ASH1L: variants seen among roughly 807,000 people sequenced by gnomAD.
ASH1L encodes ASH1 like histone lysine methyltransferase.
A neutral mutation model predicts 269.0 loss-of-function variants in ASH1L; 23 were observed. The ratio of observed to expected loss-of-function variants is 0.09; its 90% CI spans 0.06 to 0.12. The LOEUF is 0.12. Among genes scored for constraint, ASH1L ranks in the 10% least tolerant of loss-of-function variants. ASH1L has a pLI of 1.00. For missense variants in ASH1L, 2,912 were observed against 3,567.8 expected (o/e 0.82, Z 4.68); for synonymous variants, 1,187 against 1,253.5 (o/e 0.95, Z 1.12).
intron 5 of ASH1L, among the ~76,000 whole-genome samples, chr1:155,437,663 G>A (rs973078242): frequency 3.9e-5 from 6 of 152,184 alleles, no homozygotes; most frequent in Non-Finnish European, 7.3e-5. Context: ...CTGTCATAGC[G>A]GCGTTACGGC....
intron 7 of ASH1L, among the ~76,000 whole-genome samples, chr1:155,382,361 G>A (rs1223412666): frequency 6.6e-6 from 1 of 152,080 alleles, no homozygotes; most frequent in Non-Finnish European, 1.5e-5. Context: ...AGCTGGGCGT[G>A]GTGGCGGGCA....
At chr1:155,432,551 T>C (rs1012613402) in intron 5 of ASH1L, among the ~76,000 whole-genome samples, 1 of 152,156 alleles carries the variant, frequency 6.6e-6, no homozygotes, top group Non-Finnish European at 1.5e-5. Context: ...TGAAAAACTG[T>C]TGCTATCTCT....
chr1:155,481,178 A>T lies in ASH1L; in HGVS notation c.1692T>A (p.Val564=). 6.2e-7 allele frequency: 1 copy of T among 1,614,058 alleles called. No individual in the cohort carries two copies. The highest frequency in any genetic ancestry group is 8.5e-7 in the Non-Finnish European group (1 of 1,179,986). The change falls in exon 3 of 28, where the codon GTT becomes GTA. Residue 564 remains valine, a synonymous_variant. Coordinates refer to ENST00000392403, the MANE Select transcript of ASH1L (RefSeq NM_018489.3). ...CAGGGGGACTTCTGGTTAAAGGATT[A>T]ACAGATACAGTAGGTGATGGGGAAG... ...NLPSPSPTVS[V]NPLTRSPPET...
upstream of ASH1L, chr1:155,562,920 C>T (rs865829555): frequency 2.2e-6 from 1 of 456,188 alleles, no homozygotes; most frequent in Non-Finnish European, 4.4e-6. Context: ...ACCCTCCACC[C>T]CTCGCGCGTG....
At chr1:155,502,804 T>C (rs1233525470) in intron 2 of ASH1L, among the ~76,000 whole-genome samples, 9 of 152,202 alleles carry the variant, frequency 5.9e-5, no homozygotes, top group Admixed American at 5.2e-4. Flanking sequence ...GCTTTTTATT[T>C]AGAAATTTAG....
intron 25 of ASH1L, among the ~76,000 whole-genome samples, chr1:155,339,706 C>T (rs367833669): frequency 1.3e-5 from 2 of 152,058 alleles, no homozygotes; most frequent in Non-Finnish European, 2.9e-5. Context: ...CATAAAGCAT[C>T]CTTACGCAAA....
At chr1:155,448,345 T>TTTG (rs112178568) in intron 4 of ASH1L, among the ~76,000 whole-genome samples, 6,065 of 151,754 alleles carry the variant, frequency 0.04, 374 homozygotes, top group African/African-American at 0.13. Flanking sequence ...TTCTTTTCGT[T>TTTG]TTGTTGTTGT....
chr1:155,482,631 G>A (rs762898780), intron 2 of ASH1L, among the ~76,000 whole-genome samples, 182 bp from the exon 3 acceptor site: 1 of 152,046 alleles, frequency 6.6e-6, no homozygotes, highest in East Asian at 1.9e-4. Flanking sequence ...CTATACGAGA[G>A]GCTATCATGG....
intron 5 of ASH1L, chr1:155,433,790 C>A (rs1268151268): frequency 3.7e-6 from 6 of 1,606,188 alleles, no homozygotes; most frequent in South Asian, 1.1e-5. Context: ...GCGGCCCTTG[C>A]TGCAGAAGTG....
At chr1:155,511,529 T>C (rs1668159916) in intron 2 of ASH1L, among the ~76,000 whole-genome samples, 1 of 152,164 alleles carries the variant, frequency 6.6e-6, no homozygotes, top group African/African-American at 2.4e-5. Context: ...GACTGTTTCT[T>C]GTTTGTTTGT....
intron 1 of ASH1L, among the ~76,000 whole-genome samples, chr1:155,545,639 A>T (rs1411419675): frequency 6.6e-6 from 1 of 151,746 alleles, no homozygotes; most frequent in Non-Finnish European, 1.5e-5. Flanking sequence ...AAAAAAAAGG[A>T]AAAAAATTAT....
chr1:155,545,310 T>C lies in ASH1L; in HGVS notation c.-100+16843A>G, dbSNP rs117626496. Among the ~76,000 whole-genome samples the C allele has an allele frequency of 1.2e-3, 173 of 148,156 alleles. 5 individuals carry two copies. The East Asian group carries it at 0.033, about 28-fold the overall frequency. Reference sequence around the variant, plus strand: ...TGGCCACCATCATTTTAGAAAGTAATATTTATACTATCCATTACAAACTTT... The same window carrying C: ...TGGCCACCATCATTTTAGAAAGTAACATTTATACTATCCATTACAAACTTT... On this transcript the variant is annotated intron_variant, in intron 1 of 27. Transcript: ENST00000392403.
intron 1 of ASH1L, among the ~76,000 whole-genome samples, chr1:155,545,832 C>T (rs1158954375): frequency 1.3e-5 from 2 of 151,698 alleles, no homozygotes; most frequent in East Asian, 3.9e-4. Flanking sequence ...ACCAGCCTGG[C>T]CAACGTAGTG....
intron 5 of ASH1L, among the ~76,000 whole-genome samples, chr1:155,424,897 C>T (rs999883239): frequency 6.6e-6 from 1 of 151,722 alleles, no homozygotes; most frequent in Admixed American, 6.6e-5. Context: ...CCTTCGCTAC[C>T]CAGGGTTCAA....
chr1:155,458,039 A>G (rs1321892534), intron 4 of ASH1L, among the ~76,000 whole-genome samples: 1 of 152,194 alleles, frequency 6.6e-6, no homozygotes, highest in Non-Finnish European at 1.5e-5. Flanking sequence ...GGGCTACACA[A>G]AAACAGGCCT....
At position 155,349,530 on chromosome 1, in the gene ASH1L, A is replaced by C. The variant is rs377590088; in HGVS notation, c.7421+12T>G. 13 of 1,613,920 alleles carry C rather than the reference A, an allele frequency of 8.1e-6. No homozygotes were observed. Among genetic ancestry groups the C allele is most frequent in the Non-Finnish European group, 1.1e-5 (13 of 1,180,000 alleles). On this transcript the variant is annotated intron_variant, in intron 18 of 27. Transcript: ENST00000392403. ...TTAAAAACTCAGATGATTCCCACAA[A>C]TGTGAACCTACTTTTTCTTTGGGGG...
Position 155,480,581 on chromosome 1 carries a change from GTTTTTCATA to G in ASH1L, c.2280_2288del (p.Met761_Asn763del). ...GATCTACAAATGAAGGGGGTCCAAT[GTTTTTCATA>G]AACTTGGCTGGCTCAGAATTACTAT... On this transcript the variant is annotated inframe_deletion, in exon 3 of 28. Coordinates refer to ENST00000392403, the MANE Select transcript of ASH1L (RefSeq NM_018489.3). The G allele has an allele frequency of 1.1e-5, 17 of 1,614,148 alleles. No individual in the cohort carries two copies. Among genetic ancestry groups the G allele is most frequent in the Non-Finnish European group, 1.4e-5 (16 of 1,180,002 alleles).
At position 155,343,324 on chromosome 1, in the gene ASH1L, C is replaced by T. The variant is rs770636700; in HGVS notation, c.8283G>A (p.Thr2761=). The change falls in exon 24 of 28, where the codon ACG becomes ACA. Residue 2761 remains threonine (T), a synonymous_variant. Coordinates refer to ENST00000392403, the MANE Select transcript of ASH1L (RefSeq NM_018489.3). This position sits in a 1 kb window ranked among gnomAD's most constrained non-coding sequence, Gnocchi z 6.1. ...VGTCCVLDLY[T]YCKGRPKGVK... is the part of the protein sequence containing the mutation. Reference sequence around the variant, plus strand: ...GCCCAGATCACTTACCTTTACAATACGTATAAAGGTCCAACACACAGCAGG... The same window carrying T: ...GCCCAGATCACTTACCTTTACAATATGTATAAAGGTCCAACACACAGCAGG... The T allele has an allele frequency of 1.1e-5, 18 of 1,612,256 alleles. No homozygotes were observed. In the South Asian group the frequency reaches 1.4e-4, roughly 13 times the overall value.
rs564997248 is a variant in ASH1L at position 155,374,742 on chromosome 1, C to T, written c.6332+3539G>A. On this transcript the variant is annotated intron_variant, in intron 10 of 27. Transcript: ENST00000392403. ...AATCCTTTTTTCCTCTACCATATTC[C>T]TTTTTCTAGAGAGCTGATCTATAAT... Among the ~76,000 whole-genome samples the T allele has an allele frequency of 3.3e-5, 5 of 152,188 alleles. No homozygotes were observed. In the South Asian group the frequency reaches 1.0e-3, roughly 32 times the overall value.
Sources: allele counts gnomAD v4.1 joint callset (sites outside exome capture counted in the v4.1 genomes callset), GRCh38; gene constraint gnomAD v4.1.1; non-coding constraint Gnocchi (gnomAD v3.1); transcripts MANE v1.5; gene names NCBI Gene and HGNC (gene_info 2026-07-23, HGNC 2026-07-21).